Variants in ZNF148 observed in about 807,000 individuals in gnomAD.
ZNF148 encodes the protein Beta-Enolase Repressor Factor-1.
In ZNF148, 7 loss-of-function variants were observed where a neutral mutation model predicts 67.7. The ratio of observed to expected loss-of-function variants is 0.10; its 90% CI spans 0.06 to 0.19. ZNF148 has a LOEUF of 0.19. ZNF148 is among the 10% of genes least tolerant of loss of function. The probability of loss-of-function intolerance (pLI) is 1.00; values close to 1 mark genes in which losing one functional copy is unlikely to be tolerated. For missense variants in ZNF148, 583 were observed against 947.1 expected (o/e 0.62, Z 5.05); for synonymous variants, 333 against 330.7 (o/e 1.01, Z -0.08).
chr3:125,341,058 A>G (rs1043559964), intron 1 of ZNF148, among the ~76,000 whole-genome samples: 1 of 151,436 alleles, frequency 6.6e-6, no homozygotes, highest in Non-Finnish European at 1.5e-5. Flanking sequence ...CATACCATAA[A>G]TGAGAAAAGA....
intron 7 of ZNF148, among the ~76,000 whole-genome samples, chr3:125,273,088 G>A: frequency 6.6e-6 from 1 of 152,284 alleles, no homozygotes; most frequent in Middle Eastern, 3.4e-3. Flanking sequence ...TGAAAAATGT[G>A]AGCAGAAAAC....
At chr3:125,342,607 TC>T (rs1453537787) in intron 1 of ZNF148, among the ~76,000 whole-genome samples, 1 of 150,812 alleles carries the variant, frequency 6.6e-6, no homozygotes, top group Non-Finnish European at 1.5e-5. Flanking sequence ...AAAAAAAGTC[TC>T]TAGCACACCT....
chr3:125,328,625 T>C (rs572854433), intron 2 of ZNF148, among the ~76,000 whole-genome samples: 1 of 151,776 alleles, frequency 6.6e-6, no homozygotes, highest in Non-Finnish European at 1.5e-5. Context: ...CATAAGTATA[T>C]ACAACTGTCA....
intron 1 of ZNF148, among the ~76,000 whole-genome samples, chr3:125,373,622 T>C (rs1358160898): frequency 2.6e-5 from 4 of 152,116 alleles, no homozygotes; most frequent in Non-Finnish European, 4.4e-5. Context: ...CCTGACCTCC[T>C]TGCAACCTAA....
In ZNF148 at chr3:125,229,439, T is replaced by C. The variant is rs1489917324; in HGVS notation, c.*2902A>G. On this transcript the variant is annotated 3_prime_UTR_variant, in exon 9 of 9. Transcript: ENST00000360647. ...GAAGATGGATTCCTACCTTGTTAAG[T>C]ACCACATTTGCATGTAGACCCAAAA... 1 of 152,160 alleles carries C rather than the reference T, an allele frequency of 6.6e-6. No homozygotes were observed. Among genetic ancestry groups the C allele is most frequent in the Non-Finnish European group, 1.5e-5 (1 of 68,030 alleles). The allele number at this position is 152,160 out of a possible 1,614,324, so 9.4% of individuals were successfully genotyped here.
Position 125,358,056 on chromosome 3 carries a change from A to T in ZNF148, c.-234+17046T>A, listed in dbSNP as rs991341685. Among the ~76,000 whole-genome samples the T allele has an allele frequency of 3.3e-5, 5 of 152,354 alleles. 1 individual carries two copies. ...GACCGGCGCGGGGACTCAGGCCTGT[A>T]ATCCCAGCACTTTGGGAGGCTGAGG... On this transcript the variant is annotated intron_variant, in intron 1 of 8. Coordinates refer to ENST00000360647, the MANE Select transcript of ZNF148 (RefSeq NM_021964.3).
At chr3:125,357,782 T>G (rs1037750460) in intron 1 of ZNF148, 1 of 152,264 alleles carries the variant, frequency 6.6e-6, no homozygotes. Flanking sequence ...AAAGAACCAG[T>G]TATCAATAGT....
At chr3:125,329,324 ATT>A (rs987621036) in intron 2 of ZNF148, among the ~76,000 whole-genome samples, 8 of 141,460 alleles carry the variant, frequency 5.7e-5, no homozygotes, top group South Asian at 2.2e-4. Context: ...TATATATATA[ATT>A]TTTTATATAT....
At chr3:125,341,164 T>A (rs1314218771) in intron 1 of ZNF148, among the ~76,000 whole-genome samples, 1 of 150,564 alleles carries the variant, frequency 6.6e-6, no homozygotes, top group Non-Finnish European at 1.5e-5. Flanking sequence ...CAAATTCTAC[T>A]GCAACAAGTG....
intron 7 of ZNF148, among the ~76,000 whole-genome samples, chr3:125,273,109 C>T (rs1419578756): frequency 6.6e-6 from 1 of 152,066 alleles, no homozygotes; most frequent in Non-Finnish European, 1.5e-5. Flanking sequence ...TAATTTTTAT[C>T]GATAACTGAA....
intron 1 of ZNF148, chr3:125,344,716 G>C (rs1224855918): frequency 3.4e-6 from 2 of 593,250 alleles, no homozygotes; most frequent in Non-Finnish European, 6.2e-6. Flanking sequence ...TGCCACTTCA[G>C]TGCCAGTTTC....
At chr3:125,290,791 A>C (rs1043117570) in intron 4 of ZNF148, among the ~76,000 whole-genome samples, 3 of 152,166 alleles carry the variant, frequency 2.0e-5, no homozygotes, top group Admixed American at 2.0e-4. Flanking sequence ...TACAGACAGC[A>C]CATGTGTCAT....
At chr3:125,343,134 A>G (rs925281914) in intron 1 of ZNF148, among the ~76,000 whole-genome samples, 23 of 152,358 alleles carry the variant, frequency 1.5e-4, no homozygotes, top group African/African-American at 5.5e-4. Flanking sequence ...ACTTCACAGC[A>G]GACTAACACT....
chr3:125,226,460 T>C lies in ZNF148; in HGVS notation c.*5881A>G, dbSNP rs1422529433. 6.6e-6 allele frequency: 1 copy of C among 152,590 alleles called. No homozygotes were observed. Among genetic ancestry groups the C allele is most frequent in the East Asian group, 1.9e-4 (1 of 5,204 alleles). The allele number at this position is 152,590 out of a possible 1,614,324, so 9.5% of individuals were successfully genotyped here. On this transcript the variant is annotated 3_prime_UTR_variant, in exon 9 of 9. Transcript: ENST00000360647. ...ATTAGTCTAATAATTCAATTTAAAGTAAAGCAAAACAACTTCCTTTAGTAT... is the reference window on the plus strand; with the variant it reads ...ATTAGTCTAATAATTCAATTTAAAGCAAAGCAAAACAACTTCCTTTAGTAT...
At chr3:125,280,538 A>G (rs1938321597) in intron 5 of ZNF148, among the ~76,000 whole-genome samples, 1 of 151,782 alleles carries the variant, frequency 6.6e-6, no homozygotes, top group South Asian at 2.1e-4. Context: ...AAAATTAGCC[A>G]GGTGTGGTGG....
At chr3:125,293,681 C>T (rs1467256148) in intron 4 of ZNF148, among the ~76,000 whole-genome samples, 2 of 152,042 alleles carry the variant, frequency 1.3e-5, no homozygotes, top group East Asian at 3.8e-4. Context: ...TGGATTATAA[C>T]CCACAGAATA....
intron 7 of ZNF148, among the ~76,000 whole-genome samples, chr3:125,260,607 G>A (rs759781258): frequency 5.3e-5 from 8 of 152,170 alleles, no homozygotes; most frequent in Non-Finnish European, 1.0e-4. Context: ...ATGGGGTGTT[G>A]GTAGGAGAGG....
intron 4 of ZNF148, among the ~76,000 whole-genome samples, chr3:125,304,748 TGTC>T (rs1447425882): frequency 6.6e-6 from 1 of 152,168 alleles, no homozygotes; most frequent in African/African-American, 2.4e-5. Context: ...TCTCTAGCTC[TGTC>T]CATTGAGAGG....
chr3:125,368,683 G>A (rs893665259), intron 1 of ZNF148, among the ~76,000 whole-genome samples: 1 of 151,818 alleles, frequency 6.6e-6, no homozygotes, highest in Admixed American at 6.6e-5. Context: ...GATGACTCAT[G>A]CCTGAAATCA....
Sources: allele counts gnomAD v4.1 joint callset (sites outside exome capture counted in the v4.1 genomes callset), GRCh38; gene constraint gnomAD v4.1.1; transcripts MANE v1.5; gene names NCBI Gene and HGNC (gene_info 2026-07-23, HGNC 2026-07-21).